Variants in LPIN1 observed in about 807,000 individuals in gnomAD.
LPIN1 encodes the protein phosphatidate phosphatase LPIN1.
In LPIN1, 71 loss-of-function variants were observed where a neutral mutation model predicts 107.5. The observed-to-expected ratio is 0.66, with a 90% CI of 0.55 to 0.80. The LOEUF is 0.80. Ranked by LOEUF, LPIN1 falls within the 30% of genes least tolerant of loss-of-function variation. LPIN1 has a pLI of 0.00. For missense variants in LPIN1, 1,043 were observed against 1,160.6 expected (o/e 0.90, Z 1.47); for synonymous variants, 445 against 452.6 (o/e 0.98, Z 0.21).
intron 1 of LPIN1, among the ~76,000 whole-genome samples, chr2:11,696,312 C>T (rs1190908421): frequency 2.0e-5 from 3 of 151,746 alleles, no homozygotes; most frequent in East Asian, 1.9e-4. Flanking sequence ...TGCTGACTCT[C>T]GAATGAGCTG....
rs1325705561 is a variant in LPIN1, at chr2:11,785,014, A to G, written c.1487A>G (p.Asp496Gly). The change falls in exon 10 of 21, where the codon GAC (aspartate) becomes GGC (glycine). Residue 496 changes from aspartate (D) to glycine (G), a missense_variant. Coordinates refer to ENST00000674199, the MANE Select transcript of LPIN1 (RefSeq NM_001349206.2). ...GAGAGCACCTCGGACGGGCTGAGGG[A>G]CCTCCCTTCCATCGCCATCTCCCTC... Reference protein sequence around the residue: ...GVESTSDGLRDLPSIAISLCG... With the variant: ...GVESTSDGLRGLPSIAISLCG... The G allele has an allele frequency of 6.2e-7, 1 of 1,608,856 alleles. No homozygotes were observed.
At chr2:11,821,282 T>C (rs190752993) in intron 20 of LPIN1, among the ~76,000 whole-genome samples, 1,953 of 152,212 alleles carry the variant, frequency 0.013, 51 homozygotes, top group African/African-American at 0.044. Flanking sequence ...TTTGGGAGGC[T>C]GAGGTGGGTG....
At chr2:11,710,794 G>A (rs567587456) in intron 1 of LPIN1, among the ~76,000 whole-genome samples, 4 of 152,208 alleles carry the variant, frequency 2.6e-5, no homozygotes, top group African/African-American at 9.6e-5. Flanking sequence ...CACCGTGACT[G>A]CCAACTGCTT....
chr2:11,759,398 T>C (rs1669265369), intron 1 of LPIN1, among the ~76,000 whole-genome samples: 1 of 152,128 alleles, frequency 6.6e-6, no homozygotes, highest in Admixed American at 6.5e-5. Context: ...ACGAGCCTGC[T>C]GCCTTCAAGC....
chr2:11,780,273 A>G (rs1236122932), intron 7 of LPIN1, among the ~76,000 whole-genome samples: 1 of 152,258 alleles, frequency 6.6e-6, no homozygotes, highest in Admixed American at 6.5e-5. Flanking sequence ...GTAAACAAAA[A>G]TAGCTTCCAG....
At chr2:11,716,372 TA>T (rs1235101213) in intron 2 of LPIN1, among the ~76,000 whole-genome samples, 1 of 152,070 alleles carries the variant, frequency 6.6e-6, no homozygotes, top group East Asian at 1.9e-4. Context: ...GGGGCGAAAG[TA>T]AGACTCAAAG....
In LPIN1 at chr2:11,767,696, G is replaced by A. The variant is rs773917233; in HGVS notation, c.193-67G>A. On this transcript the variant is annotated intron_variant, in intron 2 of 20. Transcript: ENST00000674199. ...ATAGCGTATCTGTGGAGACTTGGCC[G>A]TCCCCATGAGGTCTCCTGTCCTGGT... 2.6e-5 allele frequency: 26 copies of A among 983,314 alleles called. 1 individual carries two copies. The highest frequency in any genetic ancestry group is 3.2e-5 in the African/African-American group (2 of 62,846). The allele number at this position is 983,314 out of a possible 1,614,324, so 60.9% of individuals were successfully genotyped here.
At chr2:11,784,778 G>A (rs966336304) in intron 9 of LPIN1, 108 bp from the exon 10 acceptor site, 3 of 977,364 alleles carry the variant, frequency 3.1e-6, no homozygotes, top group Non-Finnish European at 5.0e-6. Context: ...AGATGCAGCC[G>A]TCTGCGGCTC....
intron 13 of LPIN1, 21 bp from the exon 14 acceptor site, chr2:11,795,387 C>T (rs769842057): frequency 2.5e-6 from 4 of 1,608,362 alleles, no homozygotes; most frequent in Non-Finnish European, 3.4e-6. Context: ...TTCTGTGACT[C>T]TTTCTTTTCT....
chr2:11,784,571 T>C, intron 9 of LPIN1: 4 of 506,838 alleles, frequency 7.9e-6, no homozygotes, highest in Non-Finnish European at 9.9e-6. Flanking sequence ...CCACCCTCAG[T>C]CCCCCTGCGA....
At chr2:11,819,917 G>T (rs768421907) in intron 19 of LPIN1, among the ~76,000 whole-genome samples, 1 of 152,196 alleles carries the variant, frequency 6.6e-6, no homozygotes, top group Non-Finnish European at 1.5e-5. Context: ...GAAGGGAACC[G>T]CAAAATCAGT....
In LPIN1 at chr2:11,773,828, AG is replaced by A. The variant is rs1206557249; in HGVS notation, c.722+84del. On this transcript the variant is annotated intron_variant, in intron 5 of 20. Coordinates refer to ENST00000674199, the MANE Select transcript of LPIN1 (RefSeq NM_001349206.2). ...AGCAATTCTAAGAAAAGAATGAAAT[AG>A]AAATGAAAAGTGAAAATAATTAGGA... 4.0e-6 allele frequency: 6 copies of A among 1,500,326 alleles called. No individual in the cohort carries two copies. In the African/African-American group the frequency reaches 8.3e-5, roughly 21 times the overall value. 92.9% of individuals were successfully genotyped at this position (1,500,326 alleles called of 1,614,324 possible).
At position 11,765,431 on chromosome 2, in the gene LPIN1, G is replaced by C; in HGVS notation, c.-9-102G>C. 9.2e-7 allele frequency: 1 copy of C among 1,083,838 alleles called. No individual in the cohort carries two copies. The highest frequency in any genetic ancestry group is 1.4e-6 in the Non-Finnish European group (1 of 734,370). The allele number at this position is 1,083,838 out of a possible 1,614,324, so 67.1% of individuals were successfully genotyped here. A position where few individuals can be genotyped will look rare whatever the true frequency, so the allele number is the denominator to read the frequency against. ...GGAAATGAGAGGAGCTGAAAGTTGA[G>C]TGTGTAATCCACGTTTTTGAAATGG... On this transcript the variant is annotated intron_variant, in intron 1 of 20. Transcript: ENST00000674199. This position sits in a 1 kb window ranked among gnomAD's most constrained non-coding sequence, Gnocchi z 4.4.
intron 2 of LPIN1, among the ~76,000 whole-genome samples, chr2:11,717,915 CAAG>C (rs1663860991): frequency 6.6e-6 from 1 of 152,210 alleles, no homozygotes; most frequent in Non-Finnish European, 1.5e-5. Flanking sequence ...TCTACCTCTA[CAAG>C]AAGTTGCTCT....
intron 2 of LPIN1, among the ~76,000 whole-genome samples, chr2:11,714,307 T>C (rs1663591352): frequency 6.6e-6 from 1 of 152,240 alleles, no homozygotes; most frequent in African/African-American, 2.4e-5. Flanking sequence ...TTCCCAGGCT[T>C]TGGTGCAGCC....
chr2:11,730,709 T>C (rs895260447), intron 1 of LPIN1, among the ~76,000 whole-genome samples: 7 of 152,296 alleles, frequency 4.6e-5, no homozygotes, highest in East Asian at 1.9e-4. Flanking sequence ...TAGGTAGAAG[T>C]TGGGCTAGGT....
chr2:11,696,999 A>G (rs1372275447), intron 1 of LPIN1, among the ~76,000 whole-genome samples: 2 of 152,152 alleles, frequency 1.3e-5, no homozygotes, highest in Non-Finnish European at 2.9e-5. Context: ...TGGGCCTGGG[A>G]CCCTTCAGAA....
rs1673201322 is a variant in LPIN1, at chr2:11,779,449, G to T, written c.831-70G>T. The T allele has an allele frequency of 7.7e-6, 12 of 1,548,656 alleles. No individual in the cohort carries two copies. In the South Asian group the frequency reaches 1.3e-4, roughly 17 times the overall value. On this transcript the variant is annotated intron_variant, in intron 6 of 20. Coordinates refer to ENST00000674199, the MANE Select transcript of LPIN1 (RefSeq NM_001349206.2). ...GCATTTTCTGGGCTATTTGAGCCATGGAGCTGGGCCCAAAACATTTACAAA... is the reference window on the plus strand; with the variant it reads ...GCATTTTCTGGGCTATTTGAGCCATTGAGCTGGGCCCAAAACATTTACAAA...
At chr2:11,716,181 T>G (rs893894946) in intron 2 of LPIN1, among the ~76,000 whole-genome samples, 1 of 152,090 alleles carries the variant, frequency 6.6e-6, no homozygotes, top group Non-Finnish European at 1.5e-5. Flanking sequence ...GTGGACAGAC[T>G]CACGCTGGAG....
Sources: allele counts gnomAD v4.1 joint callset (sites outside exome capture counted in the v4.1 genomes callset), GRCh38; gene constraint gnomAD v4.1.1; non-coding constraint Gnocchi (gnomAD v3.1); transcripts MANE v1.5; gene names NCBI Gene and HGNC (gene_info 2026-07-23, HGNC 2026-07-21).